Variants in RBMS3 observed in about 807,000 individuals in gnomAD.
RBMS3 encodes RNA binding motif single stranded interacting protein 3.
A neutral mutation model predicts 66.8 loss-of-function variants in RBMS3; 27 were observed. That is an observed-to-expected ratio of 0.40 (90% CI 0.30 to 0.56). RBMS3 has a LOEUF of 0.56. Ranked by LOEUF, RBMS3 falls within the 20% of genes least tolerant of loss-of-function variation. The pLI is 0.40. For synonymous variants in RBMS3, 188 were observed against 183.0 expected (o/e 1.03, Z -0.22); for missense variants, 513 against 549.5 (o/e 0.93, Z 0.66).
chr3:29,837,308 C>T (rs1319137736), intron 6 of RBMS3, among the ~76,000 whole-genome samples: 1 of 151,780 alleles, frequency 6.6e-6, no homozygotes, highest in African/African-American at 2.4e-5. Flanking sequence ...TTCTTAAAAC[C>T]TTATACGTAG....
chr3:29,650,657 G>T (rs113567463), intron 4 of RBMS3, among the ~76,000 whole-genome samples: 3,420 of 152,200 alleles, frequency 0.022, 90 homozygotes, highest in Admixed American at 0.063. Context: ...TCACTTATAT[G>T]TAGTGCCTGA....
intron 1 of RBMS3, among the ~76,000 whole-genome samples, chr3:29,425,548 G>A (rs1290514836): frequency 6.6e-6 from 1 of 151,884 alleles, no homozygotes; most frequent in Non-Finnish European, 1.5e-5. Flanking sequence ...TGAGACAGGG[G>A]AATTGCTTGA....
intron 3 of RBMS3, among the ~76,000 whole-genome samples, chr3:29,578,656 G>A (rs2047207485): frequency 6.6e-6 from 1 of 152,022 alleles, no homozygotes; most frequent in African/African-American, 2.4e-5. Flanking sequence ...ATGGAACCCT[G>A]TCCCAGGAAA....
chr3:29,792,278 C>G (rs2057038776), intron 6 of RBMS3, among the ~76,000 whole-genome samples: 1 of 152,144 alleles, frequency 6.6e-6, no homozygotes, highest in African/African-American at 2.4e-5. Context: ...TTTTTTATTG[C>G]CTCAATTCCA....
chr3:29,516,115 C>T (rs1032296047), intron 3 of RBMS3, among the ~76,000 whole-genome samples: 4 of 152,102 alleles, frequency 2.6e-5, no homozygotes, highest in African/African-American at 9.7e-5. Context: ...TAAGATGAGG[C>T]AGGCTGGGAA....
intron 12 of RBMS3, among the ~76,000 whole-genome samples, chr3:29,944,806 G>C (rs1239442159): frequency 6.6e-6 from 1 of 151,696 alleles, no homozygotes; most frequent in Non-Finnish European, 1.5e-5. Context: ...TTTGGATATT[G>C]AAAGAAAAGC....
At chr3:29,704,819 A>T (rs1450457625) in intron 4 of RBMS3, among the ~76,000 whole-genome samples, 1 of 152,228 alleles carries the variant, frequency 6.6e-6, no homozygotes, top group Non-Finnish European at 1.5e-5. Context: ...AATGTTATTG[A>T]ACTTTGTTTC....
intron 3 of RBMS3, among the ~76,000 whole-genome samples, chr3:29,500,749 G>T (rs773627): frequency 0.37 from 56,778 of 151,762 alleles, 10,870 homozygotes; most frequent in Admixed American, 0.51. Flanking sequence ...GCACAATAAT[G>T]AAATCACCTA....
At chr3:29,544,034 T>A (rs1281385331) in intron 3 of RBMS3, among the ~76,000 whole-genome samples, 1 of 152,188 alleles carries the variant, frequency 6.6e-6, no homozygotes, top group Non-Finnish European at 1.5e-5. Flanking sequence ...GAATACTTTT[T>A]AAAGTAATGT....
chr3:29,662,977 G>A (rs1048198544), intron 4 of RBMS3, among the ~76,000 whole-genome samples: 5 of 152,146 alleles, frequency 3.3e-5, no homozygotes, highest in Non-Finnish European at 7.4e-5. Flanking sequence ...CCAGCAAGAG[G>A]GAAGACAGTA....
At chr3:29,919,456 A>C (rs72848078) in intron 10 of RBMS3, among the ~76,000 whole-genome samples, 3,704 of 152,262 alleles carry the variant, frequency 0.024, 159 homozygotes, top group African/African-American at 0.084. Flanking sequence ...TGCAGACCTC[A>C]CATCTATCTC....
At chr3:29,988,461 G>C (rs1291487757) in intron 13 of RBMS3, among the ~76,000 whole-genome samples, 1 of 152,150 alleles carries the variant, frequency 6.6e-6, no homozygotes, top group Non-Finnish European at 1.5e-5. Flanking sequence ...TTCATATTTA[G>C]AGAAAATTCC....
chr3:29,632,427 G>C (rs1238683539), intron 4 of RBMS3, among the ~76,000 whole-genome samples: 1 of 151,806 alleles, frequency 6.6e-6, no homozygotes, highest in Admixed American at 6.6e-5. Flanking sequence ...AAGATTTATT[G>C]GTTGATAATG....
chr3:29,809,454 A>G (rs1387130040), intron 6 of RBMS3, among the ~76,000 whole-genome samples: 1 of 151,930 alleles, frequency 6.6e-6, no homozygotes, highest in Non-Finnish European at 1.5e-5. Context: ...ATGCACATGT[A>G]TGTATATCTT....
At chr3:29,516,054 T>G (rs114671365) in intron 3 of RBMS3, among the ~76,000 whole-genome samples, 5,593 of 152,042 alleles carry the variant, frequency 0.037, 156 homozygotes, top group Non-Finnish European at 0.054. Flanking sequence ...GTACAAAAGA[T>G]AAAGTGGGGA....
chr3:29,943,666 C>G (rs1043973049), intron 11 of RBMS3, among the ~76,000 whole-genome samples: 1 of 151,780 alleles, frequency 6.6e-6, no homozygotes, highest in Non-Finnish European at 1.5e-5. Context: ...GGTGAAAGCA[C>G]CTTCCGCTCT....
intron 6 of RBMS3, among the ~76,000 whole-genome samples, chr3:29,832,142 A>G (rs1239936494): frequency 4.6e-5 from 7 of 152,222 alleles, no homozygotes; most frequent in Non-Finnish European, 8.8e-5. Context: ...AATGCACATA[A>G]TGTATTTAAT....
chr3:29,369,049 A>G (rs2125597263), intron 1 of RBMS3, among the ~76,000 whole-genome samples: 1 of 152,236 alleles, frequency 6.6e-6, no homozygotes, highest in South Asian at 2.1e-4. Flanking sequence ...TCCTCAGCAA[A>G]CTAAAGCAGG....
chr3:29,409,164 G>T (rs541153736), intron 1 of RBMS3, among the ~76,000 whole-genome samples: 3 of 146,826 alleles, frequency 2.0e-5, no homozygotes, highest in Non-Finnish European at 4.5e-5. Flanking sequence ...ATAACAAATA[G>T]AAATAGATAA....
Sources: gnomAD v4.1 joint callset for allele counts (sites outside exome capture counted in the v4.1 genomes callset) on GRCh38, gnomAD v4.1.1 for gene constraint, MANE v1.5 for transcripts, NCBI Gene and HGNC (gene_info 2026-07-23, HGNC 2026-07-21) for gene names.